Variants in TUBG1 observed in about 807,000 individuals in gnomAD.
The protein encoded by TUBG1 is tubulin gamma 1.
A neutral mutation model predicts 53.3 loss-of-function variants in TUBG1; 22 were observed. The observed-to-expected ratio is 0.41, with a 90% confidence interval of 0.29 to 0.59. TUBG1 has a LOEUF of 0.59. TUBG1 is among the 20% of genes least tolerant of loss of function. TUBG1 has a pLI of 0.26. For synonymous variants in TUBG1, 198 were observed against 236.7 expected (o/e 0.84, Z 1.50); for missense variants, 217 against 598.9 (o/e 0.36, Z 6.66).
In TUBG1 at chr17:42,614,698, T is replaced by C. The variant is rs202050683; in HGVS notation, c.1158+41T>C. ...TGCACCTTTTTTCCCTGAATCAGTT[T>C]CCTGACTATACCTCACCTCTCTGCA... On this transcript the variant is annotated intron_variant, in intron 10 of 10. Coordinates refer to ENST00000251413, the MANE Select transcript of TUBG1 (RefSeq NM_001070.5). The surrounding 1 kb of genome is among the most constrained non-coding windows in gnomAD (Gnocchi z 5.1). 416 of 1,611,952 alleles carry C rather than the reference T, an allele frequency of 2.6e-4. 2 individuals carry two copies. The Middle Eastern group carries it at 3.3e-3, about 13-fold the overall frequency.
intron 7 of TUBG1, 29 bp downstream of exon 7, chr17:42,613,762 A>C (rs1397629947): frequency 6.2e-7 from 1 of 1,614,018 alleles, no homozygotes; most frequent in Non-Finnish European, 8.5e-7. Context: ...ACTCCTTTGG[A>C]CTTGAAGCCC....
chr17:42,613,119 C>T, intron 6 of TUBG1, 46 bp downstream of exon 6: 1 of 1,591,692 alleles, frequency 6.3e-7, no homozygotes. Flanking sequence ...ACCCCATACC[C>T]ACTCGAGTCT....
chr17:42,612,474 G>A lies in TUBG1; in HGVS notation c.447G>A (p.Leu149=). ...HSIAGGTGSG[L]GSYLLERLND... ...TTGCTGGGGGGACAGGCTCTGGACT[G>A]GGTTCCTACCTCTTAGAACGGCTGA... The change falls in exon 5 of 11, where the codon CTG becomes CTA. Residue 149 remains leucine (L), a synonymous_variant. Coordinates refer to ENST00000251413, the MANE Select transcript of TUBG1 (RefSeq NM_001070.5). 5 of 1,614,016 alleles carry A rather than the reference G, an allele frequency of 3.1e-6. No homozygotes were observed. Among genetic ancestry groups the A allele is most frequent in the Non-Finnish European group, 4.2e-6 (5 of 1,179,988 alleles).
At chr17:42,612,008 G>A (rs967453660) in intron 3 of TUBG1, 67 bp from the exon 4 acceptor site, 2 of 1,473,042 alleles carry the variant, frequency 1.4e-6, no homozygotes, top group Non-Finnish European at 1.9e-6. Flanking sequence ...AATTGAGGGT[G>A]GCTTTTCTGA....
rs200124196 is a variant in TUBG1 at position 42,614,582 on chromosome 17, G to A, written c.1083G>A (p.Ser361=). 3.3e-5 allele frequency: 53 copies of A among 1,614,120 alleles called. 1 individual carries two copies. The Admixed American group carries it at 5.2e-4, about 16-fold the overall frequency. The stretch of plus-strand genomic sequence containing the variant: ...CCGCCAGCATCCAGGTGGCCCTGTC[G>A]AGGAAGTCTCCCTACCTGCCCTCGG... ...WGPASIQVAL[S]RKSPYLPSAH... is the part of the protein sequence containing the mutation. Residue 361 remains serine (S), a synonymous_variant, in exon 10 of 11, where the codon TCG becomes TCA. Coordinates refer to ENST00000251413, the MANE Select transcript of TUBG1 (RefSeq NM_001070.5). The surrounding 1 kb of genome is among the most constrained non-coding windows in gnomAD (Gnocchi z 5.1).
intron 5 of TUBG1, 36 bp from the exon 6 acceptor site, chr17:42,612,911 G>A (rs1310998910): frequency 6.2e-7 from 1 of 1,611,894 alleles, no homozygotes; most frequent in Non-Finnish European, 8.5e-7. Flanking sequence ...CAGGCCTTCG[G>A]TCTGTTGCCC....
chr17:42,615,222 C>A lies in TUBG1; in HGVS notation c.*181C>A. ...ATGAGACTATTTATCTTTAATAAAG[C>A]ACTGGATATAAATCAAGTCACTGCT... On this transcript the variant is annotated 3_prime_UTR_variant, in exon 11 of 11. Transcript: ENST00000251413. 1 of 606,628 alleles carries A rather than the reference C, an allele frequency of 1.6e-6. No homozygotes were observed. The highest frequency in any genetic ancestry group is 2.9e-6 in the Non-Finnish European group (1 of 349,326). 37.6% of individuals were successfully genotyped at this position (606,628 alleles called of 1,614,324 possible). A position where few individuals can be genotyped will look rare whatever the true frequency, so the allele number is the denominator to read the frequency against.
In TUBG1 at chr17:42,614,067, T is replaced by C; in HGVS notation, c.843+69T>C. The C allele has an allele frequency of 6.2e-7, 1 of 1,608,028 alleles. No homozygotes were observed. The highest frequency in any genetic ancestry group is 8.5e-7 in the Non-Finnish European group (1 of 1,176,536). The stretch of plus-strand genomic sequence containing the variant: ...CCAACAGGCCCTGTCCTAGCCTTTC[T>C]CTCTTCCCCACTGCCCCAGGAGCTA... On this transcript the variant is annotated intron_variant, in intron 8 of 10. Coordinates refer to ENST00000251413, the MANE Select transcript of TUBG1 (RefSeq NM_001070.5). The surrounding 1 kb of genome is among the most constrained non-coding windows in gnomAD (Gnocchi z 5.1).
At chr17:42,609,888 C>T in intron 1 of TUBG1, 102 bp downstream of exon 1, 4 of 1,455,812 alleles carry the variant, frequency 2.7e-6, no homozygotes, top group Non-Finnish European at 3.7e-6. Context: ...AATCGTAGTT[C>T]TCTGAAAGGC....
chr17:42,609,970 G>A, intron 1 of TUBG1, 138 bp from the exon 2 acceptor site: 1 of 1,314,276 alleles, frequency 7.6e-7, no homozygotes, highest in South Asian at 1.4e-5. Context: ...CTGGCGTACA[G>A]TCCTTTCCTC....
Position 42,613,857 on chromosome 17 carries a change from C to T in TUBG1, c.702C>T (p.Thr234=). ...SFSQINQLVS[T]IMSASTTTLR... is the part of the protein sequence containing the mutation. ...GGCACGCCTGTCCCCAGGTGTCTAC[C>T]ATCATGTCAGCCAGCACCACCACCC... Residue 234 remains threonine, a synonymous_variant, in exon 8 of 11, where the codon ACC becomes ACT. Coordinates refer to ENST00000251413, the MANE Select transcript of TUBG1 (RefSeq NM_001070.5). The T allele has an allele frequency of 6.8e-6, 11 of 1,614,194 alleles. No individual in the cohort carries two copies. The highest frequency in any genetic ancestry group is 9.3e-6 in the Non-Finnish European group (11 of 1,180,038).
rs1269737840 is a variant in TUBG1 at position 42,614,760 on chromosome 17, A to G, written c.1159-84A>G. 3.7e-6 allele frequency: 6 copies of G among 1,607,632 alleles called. No homozygotes were observed. The highest frequency in any genetic ancestry group is 3.4e-5 in the Admixed American group (2 of 59,560). On this transcript the variant is annotated intron_variant, in intron 10 of 10. Transcript: ENST00000251413. The surrounding 1 kb of genome is among the most constrained non-coding windows in gnomAD (Gnocchi z 5.1). ...TGCTTCTAGCTTTTTTGCTGTGGGC[A>G]TAGCCCAGCCTTGGTTCCCCAGCTT...
In TUBG1 at chr17:42,615,118, C is replaced by T; in HGVS notation, c.*77C>T. 6.9e-7 allele frequency: 1 copy of T among 1,453,750 alleles called. No individual in the cohort carries two copies. The highest frequency in any genetic ancestry group is 2.3e-5 in the East Asian group (1 of 43,870). The allele number at this position is 1,453,750 out of a possible 1,614,324, so 90.1% of individuals were successfully genotyped here. Reference sequence around the variant, plus strand: ...CCTGACTGACCACCCCCTCAGAGCACAGATCAGGGACCTCACGCATCTCTT... The same window carrying T: ...CCTGACTGACCACCCCCTCAGAGCATAGATCAGGGACCTCACGCATCTCTT... On this transcript the variant is annotated 3_prime_UTR_variant, in exon 11 of 11. Transcript: ENST00000251413.
At position 42,613,883 on chromosome 17, in the gene TUBG1, T is replaced by C; in HGVS notation, c.728T>C (p.Leu243Pro). The C allele has an allele frequency of 6.2e-7, 1 of 1,614,204 alleles. No individual in the cohort carries two copies. The highest frequency in any genetic ancestry group is 8.5e-7 in the Non-Finnish European group (1 of 1,180,034). Residue 243 changes from leucine to proline, a missense_variant, in exon 8 of 11, where the codon CTG becomes CCG. Leu to Pro is a moderately conservative substitution (Grantham distance 98). This residue lies in a region of TUBG1 where 135 missense variants were observed against 371.2 expected (regional missense o/e 0.36). Transcript: ENST00000251413. ...STIMSASTTT[L>P]RYPGYMNNDL... The stretch of plus-strand genomic sequence containing the variant: ...ATCATGTCAGCCAGCACCACCACCC[T>C]GCGCTACCCTGGCTACATGAACAAT...
chr17:42,613,727 C>T lies in TUBG1; in HGVS notation c.687C>T (p.Asn229=), dbSNP rs543350729. 6 of 1,614,172 alleles carry T rather than the reference C, an allele frequency of 3.7e-6. No individual in the cohort carries two copies. In the African/African-American group the frequency reaches 4.0e-5, roughly 11 times the overall value. ...HIQNPSFSQI[N]QLVSTIMSAS... ...AGAACCCATCCTTCTCCCAGATCAA[C>T]CAGCTGGTGGGCCCCCACTCCTGGA... The change falls in exon 7 of 11, where the codon AAC becomes AAT. Residue 229 remains asparagine, a synonymous_variant. Coordinates refer to ENST00000251413, the MANE Select transcript of TUBG1 (RefSeq NM_001070.5).
chr17:42,611,123 C>G (rs2143449999), intron 3 of TUBG1: 1 of 152,574 alleles, frequency 6.6e-6, no homozygotes, highest in Non-Finnish European at 1.5e-5. Flanking sequence ...AGGTGCTTGC[C>G]ATCACGCCTG....
Position 42,615,134 on chromosome 17 carries a change from C to A in TUBG1, c.*93C>A. 2 of 1,259,216 alleles carry A rather than the reference C, an allele frequency of 1.6e-6. No individual in the cohort carries two copies. Among genetic ancestry groups the A allele is most frequent in the Non-Finnish European group, 2.3e-6 (2 of 887,992 alleles). The allele number at this position is 1,259,216 out of a possible 1,614,324, so 78.0% of individuals were successfully genotyped here. A position where few individuals can be genotyped will look rare whatever the true frequency, so the allele number is the denominator to read the frequency against. Reference sequence around the variant, plus strand: ...CTCAGAGCACAGATCAGGGACCTCACGCATCTCTTTCTCATATACATGGAC... The same window carrying A: ...CTCAGAGCACAGATCAGGGACCTCAAGCATCTCTTTCTCATATACATGGAC... On this transcript the variant is annotated 3_prime_UTR_variant, in exon 11 of 11. Coordinates refer to ENST00000251413, the MANE Select transcript of TUBG1 (RefSeq NM_001070.5).
rs751253392 is a variant in TUBG1, at chr17:42,610,101, C to T, written c.50-7C>T. On this transcript the variant is annotated splice_region_variant and splice_polypyrimidine_tract_variant and intron_variant, in intron 1 of 10. Coordinates refer to ENST00000251413, the MANE Select transcript of TUBG1 (RefSeq NM_001070.5). ...TTCTTTCTCCCCTGCCCGCCCCTTC[C>T]CCCCAGTTGGGTTCGAGTTCTGGAA... 1.5e-5 allele frequency: 24 copies of T among 1,614,006 alleles called. No individual in the cohort carries two copies. Among genetic ancestry groups the T allele is most frequent in the Non-Finnish European group, 2.0e-5 (24 of 1,180,014 alleles).
intron 6 of TUBG1, 149 bp downstream of exon 6, chr17:42,613,222 G>T: frequency 7.6e-7 from 1 of 1,309,714 alleles, no homozygotes; most frequent in Non-Finnish European, 1.0e-6. Context: ...GGCCAAGGTC[G>T]TTGGATCGTT....
Sources: gnomAD v4.1 joint callset for allele counts on GRCh38, gnomAD v4.1.1 for gene constraint, gnomAD v4.1.1 regional missense constraint, Gnocchi (gnomAD v3.1) non-coding constraint, MANE v1.5 for transcripts, NCBI Gene and HGNC (gene_info 2026-07-23, HGNC 2026-07-21) for gene names.